Variants in UHRF2 observed in about 807,000 individuals in gnomAD.
UHRF2 encodes ubiquitin like with PHD and ring finger domains 2, also known as E3 ubiquitin-protein ligase UHRF2.
UHRF2 carries 23 observed loss-of-function variants against 96.8 expected under a neutral mutation model. The ratio of observed to expected loss-of-function variants is 0.24; its 90% CI spans 0.17 to 0.34. The LOEUF is 0.34. Among genes scored for constraint, UHRF2 ranks in the 10% least tolerant of loss-of-function variants. The probability of loss-of-function intolerance (pLI) is 1.00; values close to 1 mark genes in which losing one functional copy is unlikely to be tolerated. For missense variants in UHRF2, 685 were observed against 981.5 expected (o/e 0.70, Z 4.04); for synonymous variants, 385 against 332.6 (o/e 1.16, Z -1.72).
rs148292551 is a variant in UHRF2 at position 6,437,503 on chromosome 9, G to A, written c.644+3330G>A. Among the ~76,000 whole-genome samples the A allele has an allele frequency of 1.1e-3, 170 of 152,280 alleles. 1 individual carries two copies. The highest frequency in any genetic ancestry group is 4.0e-3 in the African/African-American group (165 of 41,552). Reference sequence around the variant, plus strand: ...CTACCTCAACCTCCCAAAGTGCTGGGATTACAGGTATGAGTCACTGCACCT... The same window carrying A: ...CTACCTCAACCTCCCAAAGTGCTGGAATTACAGGTATGAGTCACTGCACCT... On this transcript the variant is annotated intron_variant, in intron 3 of 15. Transcript: ENST00000276893.
chr9:6,456,908 C>T (rs2130835163), intron 3 of UHRF2, among the ~76,000 whole-genome samples: 1 of 152,306 alleles, frequency 6.6e-6, no homozygotes, highest in Middle Eastern at 3.4e-3. Context: ...GTTTTGGTTA[C>T]TGTAGCCTTG....
chr9:6,434,332 A>C, intron 3 of UHRF2, 159 bp downstream of exon 3: 1 of 790,386 alleles, frequency 1.3e-6, no homozygotes, highest in Non-Finnish European at 1.9e-6. Context: ...TCTAATTTAA[A>C]GGTCCTTTTA....
intron 2 of UHRF2, chr9:6,423,072 GC>G (rs2130729364): frequency 6.3e-6 from 1 of 158,096 alleles, no homozygotes; most frequent in Non-Finnish European, 1.4e-5. Context: ...GTTTTTCAAA[GC>G]ATTTAAGACC....
At chr9:6,422,226 C>T (rs973471294) in intron 2 of UHRF2, among the ~76,000 whole-genome samples, 2 of 152,130 alleles carry the variant, frequency 1.3e-5, no homozygotes, top group African/African-American at 4.8e-5. Flanking sequence ...GGATTACAGG[C>T]GCGTACCACC....
chr9:6,434,935 A>G (rs1208558863), intron 3 of UHRF2, among the ~76,000 whole-genome samples: 1 of 151,406 alleles, frequency 6.6e-6, no homozygotes, highest in Non-Finnish European at 1.5e-5. Context: ...GGCTCAAGCG[A>G]TCTTCCCACC....
chr9:6,478,524 T>C (rs1823726744), intron 6 of UHRF2, among the ~76,000 whole-genome samples: 1 of 152,220 alleles, frequency 6.6e-6, no homozygotes, highest in African/African-American at 2.4e-5. Flanking sequence ...AATCTATTTT[T>C]CTCCTATGGC....
chr9:6,504,805 C>G (rs1816497594), intron 15 of UHRF2, 114 bp downstream of exon 15: 1 of 703,504 alleles, frequency 1.4e-6, no homozygotes, highest in Non-Finnish European at 2.2e-6. Context: ...GTTGCGGAAC[C>G]TTCTAGTTAA....
intron 3 of UHRF2, among the ~76,000 whole-genome samples, chr9:6,452,289 T>A (rs1158455073): frequency 6.6e-6 from 1 of 152,194 alleles, no homozygotes; most frequent in Admixed American, 6.5e-5. Flanking sequence ...TTTATTTATG[T>A]CCAGGATACA....
chr9:6,473,063 G>A (rs768726301), intron 4 of UHRF2, among the ~76,000 whole-genome samples: 22 of 152,104 alleles, frequency 1.4e-4, no homozygotes, highest in Non-Finnish European at 2.8e-4. Flanking sequence ...CTATGGTCTC[G>A]AAATACCTTT....
At chr9:6,473,175 C>T (rs978888233) in intron 4 of UHRF2, among the ~76,000 whole-genome samples, 8 of 152,106 alleles carry the variant, frequency 5.3e-5, no homozygotes, top group African/African-American at 7.2e-5. Flanking sequence ...GCTAAGTTCT[C>T]GTCAGAAGGA....
chr9:6,441,402 G>A (rs893747302), intron 3 of UHRF2, among the ~76,000 whole-genome samples: 1 of 150,382 alleles, frequency 6.6e-6, no homozygotes. Context: ...AAAAAAAAAA[G>A]CAGAATTAAA....
At chr9:6,428,394 C>T (rs1390993155) in intron 2 of UHRF2, among the ~76,000 whole-genome samples, 1 of 152,082 alleles carries the variant, frequency 6.6e-6, no homozygotes, top group Non-Finnish European at 1.5e-5. Flanking sequence ...CTATGGTAAT[C>T]ATTTCTTTGT....
chr9:6,458,887 A>G (rs1214228503), intron 3 of UHRF2, among the ~76,000 whole-genome samples: 2 of 152,276 alleles, frequency 1.3e-5, no homozygotes, highest in African/African-American at 2.4e-5. Flanking sequence ...CTATGCAGCC[A>G]TAAAAAAGGA....
intron 5 of UHRF2, among the ~76,000 whole-genome samples, chr9:6,476,036 A>G (rs1425496003): frequency 1.3e-5 from 2 of 152,214 alleles, no homozygotes; most frequent in African/African-American, 2.4e-5. Flanking sequence ...CCCCTGTCCC[A>G]CTTCCCTTCC....
intron 4 of UHRF2, among the ~76,000 whole-genome samples, chr9:6,463,853 T>TGC (rs1444200439): frequency 2.0e-5 from 3 of 152,140 alleles, no homozygotes; most frequent in African/African-American, 7.2e-5. Context: ...AAAGAACAAA[T>TGC]GCATTCTGCT....
At chr9:6,424,049 C>G (rs1468643170) in intron 2 of UHRF2, among the ~76,000 whole-genome samples, 1 of 152,090 alleles carries the variant, frequency 6.6e-6, no homozygotes, top group Non-Finnish European at 1.5e-5. Context: ...TAAAGACGAG[C>G]TAGACAAGGA....
intron 1 of UHRF2, among the ~76,000 whole-genome samples, chr9:6,417,544 C>T (rs1438608341): frequency 6.6e-6 from 1 of 152,190 alleles, no homozygotes; most frequent in Non-Finnish European, 1.5e-5. Flanking sequence ...CTCAACACTT[C>T]ACAGCTCTTC....
chr9:6,450,330 A>T (rs1482104162), intron 3 of UHRF2, among the ~76,000 whole-genome samples: 2 of 133,880 alleles, frequency 1.5e-5, no homozygotes, highest in African/African-American at 5.5e-5. Flanking sequence ...ATTTAAATAA[A>T]CTGTGTCATT....
At chr9:6,446,701 T>G (rs559741763) in intron 3 of UHRF2, among the ~76,000 whole-genome samples, 1 of 151,880 alleles carries the variant, frequency 6.6e-6, no homozygotes, top group Non-Finnish European at 1.5e-5. Context: ...GAAAATTTGC[T>G]TGGTGTGGTG....
Sources: gnomAD v4.1 joint callset for allele counts (sites outside exome capture counted in the v4.1 genomes callset) on GRCh38, gnomAD v4.1.1 for gene constraint, MANE v1.5 for transcripts, NCBI Gene and HGNC (gene_info 2026-07-23, HGNC 2026-07-21) for gene names.